Variants in KCND2 observed in about 807,000 individuals in gnomAD.
KCND2 encodes A-type voltage-gated potassium channel KCND2.
Under a neutral mutation model 54.4 loss-of-function variants are expected in KCND2, and 16 were observed. That is an observed-to-expected ratio of 0.29 (90% confidence interval 0.20 to 0.45). The LOEUF (loss-of-function observed/expected upper bound fraction) is 0.45. Ranked by LOEUF, KCND2 falls within the 20% of genes least tolerant of loss-of-function variation. The pLI is 1.00. For synonymous variants in KCND2, 317 were observed against 310.7 expected (o/e 1.02, Z -0.21); for missense variants, 486 against 824.2 (o/e 0.59, Z 5.02).
chr7:120,588,421 G>GTGTGTA (rs924226894), intron 1 of KCND2, among the ~76,000 whole-genome samples: 1 of 151,474 alleles, frequency 6.6e-6, no homozygotes, highest in African/African-American at 2.4e-5. Flanking sequence ...GTGTGTGTGT[G>GTGTGTA]TGTGTGTGTG....
intron 1 of KCND2, among the ~76,000 whole-genome samples, chr7:120,515,527 T>A (rs1415572562): frequency 6.6e-6 from 1 of 151,926 alleles, no homozygotes; most frequent in Non-Finnish European, 1.5e-5. Context: ...AAGAAAAGAT[T>A]GGGAGTATTA....
At chr7:120,403,147 C>A (rs1403986628) in intron 1 of KCND2, among the ~76,000 whole-genome samples, 2 of 152,138 alleles carry the variant, frequency 1.3e-5, no homozygotes, top group Non-Finnish European at 2.9e-5. Context: ...CAGGGATTAA[C>A]CCAAACCAAA....
At position 120,474,554 on chromosome 7, in the gene KCND2, G is replaced by A. The variant is rs183205787; in HGVS notation, c.1115+198807G>A. On this transcript the variant is annotated intron_variant, in intron 1 of 5. Coordinates refer to ENST00000331113, the MANE Select transcript of KCND2 (RefSeq NM_012281.3). ...TTTTTTGGCATTTTTGGTAGAGACG[G>A]TGTTTCACCATGTTGGCCAGCCTGG... 3.0e-3 allele frequency among the ~76,000 whole-genome samples: 450 copies of A among 150,942 alleles called. 4 individuals are homozygous for A. Among genetic ancestry groups the A allele is most frequent in the Middle Eastern group, 6.8e-3 (2 of 294 alleles).
intron 1 of KCND2, among the ~76,000 whole-genome samples, chr7:120,455,186 T>A (rs67159775): frequency 0.073 from 11,016 of 151,624 alleles, 1,157 homozygotes; most frequent in East Asian, 0.52. Flanking sequence ...AAAAAAAAAA[T>A]TTTAAAATTT....
chr7:120,661,026 A>T (rs1185256336), intron 1 of KCND2, among the ~76,000 whole-genome samples: 3 of 152,168 alleles, frequency 2.0e-5, no homozygotes, highest in African/African-American at 7.2e-5. Flanking sequence ...TACATGCATA[A>T]ACTGTGTCAT....
At chr7:120,556,374 C>G (rs1253047284) in intron 1 of KCND2, among the ~76,000 whole-genome samples, 2 of 152,132 alleles carry the variant, frequency 1.3e-5, no homozygotes, top group African/African-American at 4.8e-5. Flanking sequence ...TTAAGGTGAC[C>G]CAGCCATTCT....
intron 1 of KCND2, among the ~76,000 whole-genome samples, chr7:120,343,478 A>G (rs1800271136): frequency 6.6e-6 from 1 of 152,186 alleles, no homozygotes; most frequent in South Asian, 2.1e-4. Context: ...AGGCTGGAAT[A>G]CATTTTTTAT....
chr7:120,286,669 A>G (rs1219542820), intron 1 of KCND2, among the ~76,000 whole-genome samples: 1 of 152,056 alleles, frequency 6.6e-6, no homozygotes, highest in Non-Finnish European at 1.5e-5. Flanking sequence ...TCCTATTTAG[A>G]AATTGGAATT....
chr7:120,410,129 C>T (rs1203716013), intron 1 of KCND2, among the ~76,000 whole-genome samples: 1 of 151,828 alleles, frequency 6.6e-6, no homozygotes, highest in Non-Finnish European at 1.5e-5. Context: ...ATTGTAGTGA[C>T]AGTTGTTGAA....
chr7:120,740,477 C>T (rs1483392908), intron 2 of KCND2, among the ~76,000 whole-genome samples: 1 of 152,110 alleles, frequency 6.6e-6, no homozygotes. Context: ...CTCTGTTTTA[C>T]ATACACTTGC....
chr7:120,688,023 G>A (rs116977015), intron 1 of KCND2, among the ~76,000 whole-genome samples: 10 of 152,248 alleles, frequency 6.6e-5, no homozygotes, highest in Non-Finnish European at 1.3e-4. Context: ...CAACCTGGTG[G>A]ACACATTCTT....
chr7:120,387,457 A>G (rs538082619), intron 1 of KCND2, among the ~76,000 whole-genome samples: 8 of 152,056 alleles, frequency 5.3e-5, no homozygotes, highest in Admixed American at 2.0e-4. Context: ...TGGAGTGACT[A>G]TATTTATTGC....
chr7:120,527,257 G>A (rs1319159531), intron 1 of KCND2, among the ~76,000 whole-genome samples: 1 of 152,080 alleles, frequency 6.6e-6, no homozygotes, highest in Non-Finnish European at 1.5e-5. Context: ...AAAACATGTT[G>A]CAAGCTAAGT....
chr7:120,539,015 T>C (rs1051751903), intron 1 of KCND2, among the ~76,000 whole-genome samples: 1 of 152,202 alleles, frequency 6.6e-6, no homozygotes, highest in African/African-American at 2.4e-5. Flanking sequence ...ATTTGTAAAG[T>C]AAATCACAAG....
intron 1 of KCND2, among the ~76,000 whole-genome samples, chr7:120,623,337 C>T (rs543817465): frequency 6.6e-6 from 1 of 152,252 alleles, no homozygotes; most frequent in Admixed American, 6.5e-5. Flanking sequence ...CTCCCTTCAC[C>T]ATCCCCTATC....
chr7:120,558,595 T>A (rs777351839), intron 1 of KCND2, among the ~76,000 whole-genome samples: 1 of 152,170 alleles, frequency 6.6e-6, no homozygotes, highest in Non-Finnish European at 1.5e-5. Flanking sequence ...ACAAAGTTTC[T>A]TATAATATCT....
At chr7:120,440,873 A>C (rs1327023131) in intron 1 of KCND2, among the ~76,000 whole-genome samples, 1 of 152,034 alleles carries the variant, frequency 6.6e-6, no homozygotes, top group Non-Finnish European at 1.5e-5. Flanking sequence ...TCTATTTTTC[A>C]ATAAGCCAGT....
At chr7:120,402,233 A>T (rs975929491) in intron 1 of KCND2, among the ~76,000 whole-genome samples, 4 of 152,170 alleles carry the variant, frequency 2.6e-5, no homozygotes, top group African/African-American at 9.6e-5. Flanking sequence ...AATAATAGCC[A>T]TCAGCAAAGC....
At chr7:120,463,248 T>G (rs1251903581) in intron 1 of KCND2, among the ~76,000 whole-genome samples, 2 of 151,990 alleles carry the variant, frequency 1.3e-5, no homozygotes, top group Non-Finnish European at 2.9e-5. Context: ...TTTTTTCAAT[T>G]TTGATGACAT....
Sources: gnomAD v4.1 joint callset for allele counts (sites outside exome capture counted in the v4.1 genomes callset) on GRCh38, gnomAD v4.1.1 for gene constraint, MANE v1.5 for transcripts, NCBI Gene and HGNC (gene_info 2026-07-23, HGNC 2026-07-21) for gene names.